ANKRD11: variants seen among roughly 807,000 people sequenced by gnomAD.
ANKRD11 encodes ankyrin repeat domain-containing protein 11.
ANKRD11 carries 17 observed loss-of-function variants against 195.7 expected under a neutral mutation model. The ratio of observed to expected loss-of-function variants is 0.09; its 90% CI spans 0.06 to 0.13. The LOEUF (loss-of-function observed/expected upper bound fraction) is 0.13. Ranked by LOEUF, ANKRD11 falls within the 10% of genes least tolerant of loss-of-function variation. The pLI is 1.00. For missense variants in ANKRD11, 3,735 were observed against 3,566.1 expected (o/e 1.05, Z -1.21); for synonymous variants, 1,953 against 1,528.1 (o/e 1.28, Z -6.49).
chr16:89,405,993 T>A (rs1168081720), intron 2 of ANKRD11, among the ~76,000 whole-genome samples: 2 of 151,148 alleles, frequency 1.3e-5, no homozygotes, highest in Admixed American at 1.3e-4. Flanking sequence ...ACCTGCAATC[T>A]CGGCTACTCA....
intron 11 of ANKRD11, 33 bp downstream of exon 11, chr16:89,274,781 G>A (rs375665514): frequency 2.6e-4 from 410 of 1,605,274 alleles, no homozygotes; most frequent in Middle Eastern, 2.2e-4. Context: ...CAGGCACTTG[G>A]ACTCATGGGC....
At chr16:89,427,323 C>T (rs1222987094) in intron 1 of ANKRD11, among the ~76,000 whole-genome samples, 2 of 152,156 alleles carry the variant, frequency 1.3e-5, no homozygotes, top group Non-Finnish European at 2.9e-5. Context: ...AGTGTCTTTA[C>T]GACAGCAACA....
intron 4 of ANKRD11, chr16:89,297,949 G>C (rs1192819486): frequency 1.4e-4 from 21 of 152,194 alleles, no homozygotes; most frequent in Non-Finnish European, 1.5e-5. Flanking sequence ...TGTATGTGAA[G>C]GGGTCACACA....
At chr16:89,483,542 G>A (rs955316141) in intron 1 of ANKRD11, among the ~76,000 whole-genome samples, 3 of 152,214 alleles carry the variant, frequency 2.0e-5, no homozygotes, top group African/African-American at 7.2e-5. Context: ...GTGAGAAAAT[G>A]TTTAGGCCGG....
Position 89,490,553 on chromosome 16 carries a change from G to C in ANKRD11, c.-453C>G. The C allele has an allele frequency of 2.4e-6, 1 of 424,974 alleles. No homozygotes were observed. The highest frequency in any genetic ancestry group is 4.2e-6 in the Non-Finnish European group (1 of 240,960). 26.3% of individuals were successfully genotyped at this position (424,974 alleles called of 1,614,324 possible). A position where few individuals can be genotyped will look rare whatever the true frequency, so the allele number is the denominator to read the frequency against. On this transcript the variant is annotated 5_prime_UTR_variant, in exon 1 of 13. Coordinates refer to ENST00000301030, the MANE Select transcript of ANKRD11 (RefSeq NM_013275.6). The stretch of plus-strand genomic sequence containing the variant: ...TCGGTCCATCGCGCACCGTCTCAGG[G>C]CGGCCTCTGGCTCCAGGACCCAGCG...
rs2040540775 is a variant in ANKRD11 at position 89,379,128 on chromosome 16, T to TTC, written c.-60+39154_-60+39155dup. Among the ~76,000 whole-genome samples the TTC allele has an allele frequency of 2.0e-5, 3 of 152,344 alleles. No homozygotes were observed. In the South Asian group the frequency reaches 6.2e-4, roughly 32 times the overall value. ...CCCCAGGAAGGCCTTTCTCACTGGCTTCTAGAAGGTGGGGCCGGCCCCCAT... is the reference window on the plus strand; with the variant it reads ...CCCCAGGAAGGCCTTTCTCACTGGCTTCTCTAGAAGGTGGGGCCGGCCCCCAT... On this transcript the variant is annotated intron_variant, in intron 2 of 12. Transcript: ENST00000301030.
chr16:89,460,189 G>T (rs1031562531), intron 1 of ANKRD11, among the ~76,000 whole-genome samples: 3 of 151,890 alleles, frequency 2.0e-5, no homozygotes, highest in African/African-American at 7.3e-5. Context: ...AGTGAGCTGA[G>T]ATTGCGCCAC....
At chr16:89,468,318 G>A (rs572199918) in intron 1 of ANKRD11, among the ~76,000 whole-genome samples, 2 of 152,322 alleles carry the variant, frequency 1.3e-5, no homozygotes, top group African/African-American at 4.8e-5. Flanking sequence ...TGCAACGTGA[G>A]TGCAGCTCCT....
Position 89,284,582 on chromosome 16 carries a change from A to G in ANKRD11, c.1960T>C (p.Leu654=), listed in dbSNP as rs1244029275. The G allele has an allele frequency of 4.3e-6, 7 of 1,613,940 alleles. No homozygotes were observed. In the African/African-American group the frequency reaches 8.0e-5, roughly 18 times the overall value. Residue 654 remains leucine (L), a synonymous_variant, in exon 9 of 13, where the codon TTG becomes CTG. Coordinates refer to ENST00000301030, the MANE Select transcript of ANKRD11 (RefSeq NM_013275.6). ...GQCSISQELK[L]KSFTYEYEDS... is the part of the protein sequence containing the mutation. ...TCATATTCGTAAGTAAAACTTTTCA[A>G]CTTCAGCTCTTGGCTGATGGAACAC...
intron 1 of ANKRD11, among the ~76,000 whole-genome samples, chr16:89,424,409 C>T (rs2042634556): frequency 6.6e-6 from 1 of 151,218 alleles, no homozygotes; most frequent in Non-Finnish European, 1.5e-5. Context: ...CCTCTGCACT[C>T]CAGGCTGGGT....
chr16:89,447,606 G>C (rs950575574), intron 1 of ANKRD11, among the ~76,000 whole-genome samples: 1 of 152,022 alleles, frequency 6.6e-6, no homozygotes, highest in East Asian at 1.9e-4. Context: ...CGTACCCTAA[G>C]TGTCCACATT....
chr16:89,331,435 G>A (rs943852432), intron 2 of ANKRD11, among the ~76,000 whole-genome samples: 1 of 152,072 alleles, frequency 6.6e-6, no homozygotes, highest in Admixed American at 6.6e-5. Flanking sequence ...AAGAACAAAG[G>A]GAGAATTTAC....
chr16:89,274,518 G>A (rs2033470112), intron 11 of ANKRD11, among the ~76,000 whole-genome samples: 3 of 152,316 alleles, frequency 2.0e-5, no homozygotes, highest in Admixed American at 2.0e-4. Context: ...AGGTAGGTAG[G>A]GGCAGGTGCT....
At position 89,401,920 on chromosome 16, in the gene ANKRD11, G is replaced by A. The variant is rs188846773; in HGVS notation, c.-60+16364C>T. Among the ~76,000 whole-genome samples the A allele has an allele frequency of 4.5e-3, 682 of 151,556 alleles. 5 individuals carry two copies. Among genetic ancestry groups the A allele is most frequent in the African/African-American group, 0.015 (617 of 41,196 alleles). On this transcript the variant is annotated intron_variant, in intron 2 of 12. Transcript: ENST00000301030. Reference sequence around the variant, plus strand: ...ACTCCCCCATCCCCCAGAACCTGGAGAGAGGCCTGGAGCAGATGCCCGCCC... The same window carrying A: ...ACTCCCCCATCCCCCAGAACCTGGAAAGAGGCCTGGAGCAGATGCCCGCCC...
In ANKRD11 at chr16:89,349,405, G is replaced by A. The variant is rs565578880; in HGVS notation, c.-59-32327C>T. Among the ~76,000 whole-genome samples the A allele has an allele frequency of 5.9e-5, 9 of 152,038 alleles. No homozygotes were observed. In the South Asian group the frequency reaches 6.2e-4, roughly 11 times the overall value. On this transcript the variant is annotated intron_variant, in intron 2 of 12. Transcript: ENST00000301030. ...TGAGGCAGGAGAATGGCGTGAACCC[G>A]GGAGGCGGAGCTTACAGTGAGCTGA... is the stretch of plus-strand genomic sequence containing the variant.
chr16:89,284,520 T>C lies in ANKRD11; in HGVS notation c.2022A>G (p.Leu674=). ...SKQKSDKAIL[L]ENDLSTENKL... ...TGTTTTCAGTGGAAAGATCATTCTC[T>C]AACAGTATAGCCTTATCTGACTTCT... is the stretch of plus-strand genomic sequence containing the variant. The change falls in exon 9 of 13, where the codon TTA becomes TTG. Residue 674 remains leucine, a synonymous_variant. Coordinates refer to ENST00000301030, the MANE Select transcript of ANKRD11 (RefSeq NM_013275.6). The C allele has an allele frequency of 1.2e-6, 2 of 1,614,182 alleles. No homozygotes were observed. Among genetic ancestry groups the C allele is most frequent in the East Asian group, 2.2e-5 (1 of 44,886 alleles).
chr16:89,441,047 C>A (rs1480732600), intron 1 of ANKRD11, among the ~76,000 whole-genome samples: 2 of 152,032 alleles, frequency 1.3e-5, no homozygotes, highest in African/African-American at 4.8e-5. Flanking sequence ...ACCATCCTGG[C>A]TAACACCGTG....
intron 3 of ANKRD11, among the ~76,000 whole-genome samples, chr16:89,308,279 TAAAG>T (rs540126075): frequency 3.3e-5 from 5 of 151,856 alleles, no homozygotes; most frequent in Admixed American, 2.0e-4. Flanking sequence ...ATTAAGAAAA[TAAAG>T]AAAAGAAAAC....
chr16:89,326,901 G>A (rs2037757331), intron 2 of ANKRD11, among the ~76,000 whole-genome samples: 1 of 152,214 alleles, frequency 6.6e-6, no homozygotes, highest in Non-Finnish European at 1.5e-5. Context: ...ACGTGGGGCT[G>A]ACAGGACTAA....
Sources: gnomAD v4.1 joint callset for allele counts (sites outside exome capture counted in the v4.1 genomes callset) on GRCh38, gnomAD v4.1.1 for gene constraint, MANE v1.5 for transcripts, NCBI Gene and HGNC (gene_info 2026-07-23, HGNC 2026-07-21) for gene names.